The following A1CF variants were observed in gnomAD, a reference collection of about 807,000 sequenced individuals.
A1CF encodes the protein APOBEC1 complementation factor, also known as APOBEC-1 stimulating protein.
A neutral mutation model predicts 68.9 loss-of-function variants in A1CF; 48 were observed. That is an observed-to-expected ratio of 0.70 (90% CI 0.55 to 0.89). The LOEUF (loss-of-function observed/expected upper bound fraction) is 0.89. A1CF is among the 40% of genes least tolerant of loss of function. The probability of loss-of-function intolerance (pLI) is 0.00; values close to 1 mark genes in which losing one functional copy is unlikely to be tolerated. For synonymous variants in A1CF, 272 were observed against 260.4 expected (o/e 1.04, Z -0.43); for missense variants, 653 against 718.9 (o/e 0.91, Z 1.05).
At chr10:50,845,815 A>G (rs896720789) in intron 3 of A1CF, among the ~76,000 whole-genome samples, 2 of 152,078 alleles carry the variant, frequency 1.3e-5, no homozygotes, top group African/African-American at 4.8e-5. Flanking sequence ...TTAGCTGGAC[A>G]TGGTGGCACA....
At chr10:50,866,436 C>A (rs1032757175) in intron 1 of A1CF, among the ~76,000 whole-genome samples, 1 of 152,188 alleles carries the variant, frequency 6.6e-6, no homozygotes, top group African/African-American at 2.4e-5. Context: ...CACTTGGCTG[C>A]AGCTGCTCAA....
In A1CF at chr10:50,802,668, TTTAGGAAATCTTAGTG is replaced by T. The variant is rs1232380554; in HGVS notation, c.*4045_*4060del. 2.4e-5 allele frequency: 3 copies of T among 125,758 alleles called. No individual in the cohort carries two copies. The highest frequency in any genetic ancestry group is 3.8e-5 in the Non-Finnish European group (2 of 52,642). 7.8% of individuals were successfully genotyped at this position (125,758 alleles called of 1,614,324 possible). A position where few individuals can be genotyped will look rare whatever the true frequency, so the allele number is the denominator to read the frequency against. On this transcript the variant is annotated 3_prime_UTR_variant, in exon 13 of 13. Transcript: ENST00000373997. ...AGTTCATTTTTTGTTGTAAGTTACT[TTTAGGAAATCTTAGTG>T]TTAGAGTTGTTCAATAATAATATAC...
Position 50,806,484 on chromosome 10 carries a change from C to A in A1CF, c.*245G>T. 3.8e-6 allele frequency: 1 copy of A among 265,412 alleles called. No homozygotes were observed. Among genetic ancestry groups the A allele is most frequent in the Non-Finnish European group, 6.9e-6 (1 of 144,308 alleles). The allele number at this position is 265,412 out of a possible 1,614,324, so 16.4% of individuals were successfully genotyped here. A position where few individuals can be genotyped will look rare whatever the true frequency, so the allele number is the denominator to read the frequency against. ...CAAACACTCAGGAAGACTGGAAGAA[C>A]AACTTTTGGGGCAGTGGCTCTCCAG... On this transcript the variant is annotated 3_prime_UTR_variant, in exon 13 of 13. Coordinates refer to ENST00000373997, the MANE Select transcript of A1CF (RefSeq NM_014576.4).
At chr10:50,880,776 T>C (rs1841732676) in intron 1 of A1CF, among the ~76,000 whole-genome samples, 1 of 152,192 alleles carries the variant, frequency 6.6e-6, no homozygotes, top group Non-Finnish European at 1.5e-5. Context: ...AAAAATTTCA[T>C]TTGTGCACAA....
At chr10:50,846,786 T>C (rs1488776538) in intron 3 of A1CF, among the ~76,000 whole-genome samples, 2 of 152,226 alleles carry the variant, frequency 1.3e-5, no homozygotes, top group African/African-American at 2.4e-5. Flanking sequence ...ATATTAATTG[T>C]CTTTCTTTGT....
chr10:50,847,806 G>A (rs1840065916), intron 3 of A1CF, among the ~76,000 whole-genome samples: 1 of 152,038 alleles, frequency 6.6e-6, no homozygotes, highest in African/African-American at 2.4e-5. Context: ...AGCCACAAAT[G>A]GTGCAAACTT....
chr10:50,867,202 C>A (rs1841032778), intron 1 of A1CF, among the ~76,000 whole-genome samples: 1 of 151,932 alleles, frequency 6.6e-6, no homozygotes, highest in Non-Finnish European at 1.5e-5. Flanking sequence ...ATCAATATAT[C>A]AAAAACATAC....
intron 6 of A1CF, among the ~76,000 whole-genome samples, chr10:50,834,306 G>A (rs1299298692): frequency 6.6e-6 from 1 of 152,208 alleles, no homozygotes; most frequent in African/African-American, 2.4e-5. Flanking sequence ...CCTGCATTGA[G>A]GGAGGAAAGT....
rs191181653 is a variant in A1CF at position 50,838,478 on chromosome 10, A to G, written c.366-2166T>C. Among the ~76,000 whole-genome samples, 5 of 152,270 alleles carry G rather than the reference A, an allele frequency of 3.3e-5. No homozygotes were observed. The East Asian group carries it at 9.6e-4, about 29-fold the overall frequency. On this transcript the variant is annotated intron_variant, in intron 5 of 12. Coordinates refer to ENST00000373997, the MANE Select transcript of A1CF (RefSeq NM_014576.4). ...TTTTGATAGTTAGGGGGCTGGTCATATATCAGTTACCAGCAGGAGGAGCCT... is the reference window on the plus strand; with the variant it reads ...TTTTGATAGTTAGGGGGCTGGTCATGTATCAGTTACCAGCAGGAGGAGCCT...
At position 50,806,297 on chromosome 10, in the gene A1CF, A is replaced by G. The variant is rs10821846; in HGVS notation, c.*432T>C. On this transcript the variant is annotated 3_prime_UTR_variant, in exon 13 of 13. Coordinates refer to ENST00000373997, the MANE Select transcript of A1CF (RefSeq NM_014576.4). Reference sequence around the variant, plus strand: ...CCTCCCTTCCCTTTTCCTCTTTGTGACTTTGTGTATCACAAAAGCAGCTGT... The same window carrying G: ...CCTCCCTTCCCTTTTCCTCTTTGTGGCTTTGTGTATCACAAAAGCAGCTGT... The G allele has an allele frequency of 0.42, 63,480 of 152,406 alleles. 14,929 individuals are homozygous for G. Among genetic ancestry groups the G allele is most frequent in the Admixed American group, 0.57 (8,727 of 15,270 alleles). 9.4% of individuals were successfully genotyped at this position (152,406 alleles called of 1,614,324 possible).
At chr10:50,827,351 C>T (rs960278784) in intron 7 of A1CF, among the ~76,000 whole-genome samples, 1 of 152,346 alleles carries the variant, frequency 6.6e-6, no homozygotes, top group Non-Finnish European at 1.5e-5. Flanking sequence ...CTCCACATCA[C>T]ACTTATTCCA....
At chr10:50,882,099 C>A (rs756968764) in intron 1 of A1CF, among the ~76,000 whole-genome samples, 71 of 152,188 alleles carry the variant, frequency 4.7e-4, no homozygotes, top group Non-Finnish European at 8.5e-4. Context: ...ATATTCAATA[C>A]AAAATTTTAG....
rs763691496 is a variant in A1CF at position 50,811,118 on chromosome 10, G to C, written c.1382C>G (p.Ser461Cys). 1.4e-5 allele frequency: 22 copies of C among 1,613,386 alleles called. No individual in the cohort carries two copies. Among genetic ancestry groups the C allele is most frequent in the Non-Finnish European group, 1.8e-5 (21 of 1,179,648 alleles). ...CTGTCTTTGGTCTTGTCCAATAGCAGAGTGCAGCTGGTACACTGGCTGTCC... is the reference window on the plus strand; with the variant it reads ...CTGTCTTTGGTCTTGTCCAATAGCACAGTGCAGCTGGTACACTGGCTGTCC... ...NWGQPVYQLH[S>C]AIGQDQRQLF... Residue 461 changes from serine to cysteine, a missense_variant, in exon 11 of 13, where the codon TCT becomes TGT. By Grantham distance (112) the Ser-to-Cys change is moderately radical. Transcript: ENST00000373997.
rs1589030933 is a variant in A1CF at position 50,859,984 on chromosome 10, C to T, written c.-44G>A. The T allele has an allele frequency of 1.3e-6, 2 of 1,488,956 alleles. No individual in the cohort carries two copies. The highest frequency in any genetic ancestry group is 1.9e-6 in the Non-Finnish European group (2 of 1,068,608). 92.2% of individuals were successfully genotyped at this position (1,488,956 alleles called of 1,614,324 possible). ...AAAAATCAGGTTAATTAGGGTTGCTCACTGAAACCAAATTTAAGATAAATT... is the reference window on the plus strand; with the variant it reads ...AAAAATCAGGTTAATTAGGGTTGCTTACTGAAACCAAATTTAAGATAAATT... On this transcript the variant is annotated splice_region_variant and 5_prime_UTR_variant, in exon 3 of 13. Coordinates refer to ENST00000373997, the MANE Select transcript of A1CF (RefSeq NM_014576.4).
chr10:50,884,942 A>G (rs1196564954), intron 1 of A1CF, among the ~76,000 whole-genome samples: 1 of 152,236 alleles, frequency 6.6e-6, no homozygotes, highest in African/African-American at 2.4e-5. Context: ...ACAATATAAT[A>G]ATTAGCCATT....
intron 5 of A1CF, 115 bp downstream of exon 5, chr10:50,841,747 T>C (rs1839786728): frequency 1.6e-6 from 2 of 1,281,664 alleles, no homozygotes; most frequent in African/African-American, 1.5e-5. Context: ...ACTAATCTAT[T>C]TCATTTCTGG....
At chr10:50,867,238 A>C (rs895591269) in intron 1 of A1CF, among the ~76,000 whole-genome samples, 2 of 152,132 alleles carry the variant, frequency 1.3e-5, no homozygotes, top group Non-Finnish European at 2.9e-5. Context: ...TATAGCAGCA[A>C]TATTCATAAT....
rs1194620269 is a variant in A1CF, at chr10:50,801,527, C to G, written c.*5202G>C. 1 of 152,126 alleles carries G rather than the reference C, an allele frequency of 6.6e-6. No individual in the cohort carries two copies. The highest frequency in any genetic ancestry group is 1.5e-5 in the Non-Finnish European group (1 of 68,012). The allele number at this position is 152,126 out of a possible 1,614,324, so 9.4% of individuals were successfully genotyped here. The stretch of plus-strand genomic sequence containing the variant: ...CTAAGCCAGGACTGTCCTGGAAAAC[C>G]AGAATGTATTGTCACCTCAGAGAGA... On this transcript the variant is annotated 3_prime_UTR_variant, in exon 13 of 13. Transcript: ENST00000373997.
chr10:50,831,940 T>C (rs7093452), intron 6 of A1CF, among the ~76,000 whole-genome samples: 7,730 of 152,156 alleles, frequency 0.051, 632 homozygotes, highest in African/African-American at 0.17. Flanking sequence ...TTTGGAGAAA[T>C]GAGAATACTT....
Sources: allele counts gnomAD v4.1 joint callset (sites outside exome capture counted in the v4.1 genomes callset), GRCh38; gene constraint gnomAD v4.1.1; transcripts MANE v1.5; gene names NCBI Gene and HGNC (gene_info 2026-07-23, HGNC 2026-07-21).